The following ZFHX3 variants were observed in gnomAD, a reference collection of about 807,000 sequenced individuals.
ZFHX3 encodes zinc finger homeobox protein 3.
ZFHX3 carries 42 observed loss-of-function variants against 279.1 expected under a neutral mutation model. That is an observed-to-expected ratio of 0.15 (90% CI 0.12 to 0.19). ZFHX3 has a LOEUF of 0.19. ZFHX3 is among the 10% of genes least tolerant of loss of function. The pLI, the probability that ZFHX3 is intolerant of heterozygous loss-of-function variation, is 1.00. For synonymous variants in ZFHX3, 2,293 were observed against 1,957.8 expected (o/e 1.17, Z -4.52); for missense variants, 4,981 against 4,754.0 (o/e 1.05, Z -1.40).
At chr16:73,275,570 A>G (rs2014273941) in intron 4 of ZFHX3, among the ~76,000 whole-genome samples, 1 of 152,194 alleles carries the variant, frequency 6.6e-6, no homozygotes, top group Non-Finnish European at 1.5e-5. Flanking sequence ...GTTCGATTCC[A>G]GACTGCCTCA....
At chr16:73,631,573 T>C (rs1184019622) in intron 2 of ZFHX3, among the ~76,000 whole-genome samples, 2 of 152,202 alleles carry the variant, frequency 1.3e-5, no homozygotes, top group Non-Finnish European at 2.9e-5. Flanking sequence ...TAATTTTTTC[T>C]TTGTGTTTAT....
chr16:73,749,594 A>G (rs1259344497), intron 1 of ZFHX3, among the ~76,000 whole-genome samples: 1 of 152,190 alleles, frequency 6.6e-6, no homozygotes, highest in Non-Finnish European at 1.5e-5. Flanking sequence ...CACAACAAAG[A>G]CCAACCAGTG....
intron 8 of ZFHX3, among the ~76,000 whole-genome samples, chr16:73,086,384 G>C (rs1476193610): frequency 6.6e-6 from 1 of 152,112 alleles, no homozygotes. Flanking sequence ...AAGGAAATCA[G>C]TATATTGAAG....
chr16:73,262,766 T>C (rs1030111143), intron 4 of ZFHX3, among the ~76,000 whole-genome samples: 1 of 152,112 alleles, frequency 6.6e-6, no homozygotes, highest in Admixed American at 6.5e-5. Context: ...AAGCCTGGAT[T>C]GTAAGGGGTC....
chr16:73,129,782 A>G (rs1199974527), intron 7 of ZFHX3, among the ~76,000 whole-genome samples: 1 of 151,726 alleles, frequency 6.6e-6, no homozygotes, highest in African/African-American at 2.4e-5. Context: ...CTTTCAACCG[A>G]TATTTTGGGT....
chr16:73,616,378 G>T (rs1429546757), intron 2 of ZFHX3, among the ~76,000 whole-genome samples: 1 of 142,864 alleles, frequency 7.0e-6, no homozygotes, highest in Non-Finnish European at 1.5e-5. Flanking sequence ...GCTGTTTCGG[G>T]TCTAAGTGGA....
intron 1 of ZFHX3, among the ~76,000 whole-genome samples, chr16:73,728,869 C>T (rs1205092862): frequency 6.6e-6 from 1 of 151,506 alleles, no homozygotes; most frequent in Non-Finnish European, 1.5e-5. Flanking sequence ...ACCTAAGTCT[C>T]TAAACCATGA....
intron 4 of ZFHX3, among the ~76,000 whole-genome samples, chr16:72,885,024 G>A (rs1031386864): frequency 1.3e-5 from 2 of 152,216 alleles, no homozygotes; most frequent in Admixed American, 6.5e-5. Context: ...ATTGGAAGAG[G>A]AACCTCACCT....
intron 1 of ZFHX3, among the ~76,000 whole-genome samples, chr16:72,976,348 G>A (rs889598956): frequency 3.2e-4 from 48 of 152,200 alleles, no homozygotes; most frequent in Admixed American, 8.5e-4. Flanking sequence ...GGTGAATGGG[G>A]CCAATTTCTT....
intron 4 of ZFHX3, among the ~76,000 whole-genome samples, chr16:72,867,384 T>A (rs1239231923): frequency 6.6e-6 from 1 of 152,218 alleles, no homozygotes; most frequent in African/African-American, 2.4e-5. Flanking sequence ...TGTCTAATCC[T>A]GAGCAGGAAG....
At chr16:73,115,120 G>A (rs904183472) in intron 7 of ZFHX3, among the ~76,000 whole-genome samples, 1 of 152,052 alleles carries the variant, frequency 6.6e-6, no homozygotes, top group Non-Finnish European at 1.5e-5. Flanking sequence ...ACCAACTGCC[G>A]GAGAAACCAG....
chr16:73,345,968 G>A (rs181562042), intron 3 of ZFHX3, among the ~76,000 whole-genome samples: 19 of 152,228 alleles, frequency 1.2e-4, no homozygotes, highest in African/African-American at 4.6e-4. Flanking sequence ...AAAGACGCTG[G>A]GATTCTCTAC....
intron 4 of ZFHX3, among the ~76,000 whole-genome samples, chr16:73,311,887 T>C (rs2015337131): frequency 1.3e-5 from 2 of 152,078 alleles, no homozygotes; most frequent in Non-Finnish European, 2.9e-5. Context: ...CCCATTTATG[T>C]AAAAAGGGTG....
intron 1 of ZFHX3, among the ~76,000 whole-genome samples, chr16:73,764,976 C>G (rs546412901): frequency 1.6e-4 from 24 of 152,186 alleles, no homozygotes; most frequent in African/African-American, 5.8e-4. Flanking sequence ...TCAGGATACA[C>G]AGTTTGATCT....
intron 5 of ZFHX3, among the ~76,000 whole-genome samples, chr16:73,230,306 G>T (rs940968342): frequency 6.6e-6 from 1 of 152,196 alleles, no homozygotes; most frequent in Non-Finnish European, 1.5e-5. Context: ...GAATACCAAT[G>T]AAGATAATGA....
intron 1 of ZFHX3, among the ~76,000 whole-genome samples, chr16:73,004,079 T>C (rs745959618): frequency 2.5e-4 from 38 of 151,562 alleles, no homozygotes; most frequent in Non-Finnish European, 5.3e-4. Flanking sequence ...TTATTCTTCA[T>C]GAATTGTCCA....
chr16:73,791,205 T>A (rs1425777762), intron 1 of ZFHX3, among the ~76,000 whole-genome samples: 1 of 151,840 alleles, frequency 6.6e-6, no homozygotes, highest in African/African-American at 2.4e-5. Flanking sequence ...ACTCAAGCAA[T>A]CCTCCTGCCT....
chr16:73,286,707 G>A, intron 4 of ZFHX3, among the ~76,000 whole-genome samples: 1 of 151,396 alleles, frequency 6.6e-6, no homozygotes, highest in Non-Finnish European at 1.5e-5. Context: ...GAGTGTGTGG[G>A]TGTGTGGGTT....
At chr16:73,840,786 T>C (rs1961283293) in intron 1 of ZFHX3, among the ~76,000 whole-genome samples, 1 of 152,118 alleles carries the variant, frequency 6.6e-6, no homozygotes, top group South Asian at 2.1e-4. Context: ...CCCATGACAA[T>C]ATTTTGAAAA....
Sources: gnomAD v4.1 joint callset for allele counts (sites outside exome capture counted in the v4.1 genomes callset) on GRCh38, gnomAD v4.1.1 for gene constraint, MANE v1.5 for transcripts, NCBI Gene and HGNC (gene_info 2026-07-23, HGNC 2026-07-21) for gene names.